UBE2K: variants seen among roughly 807,000 people sequenced by gnomAD.
UBE2K encodes ubiquitin-conjugating enzyme E2 K.
A neutral mutation model predicts 30.0 loss-of-function variants in UBE2K; 6 were observed. The observed-to-expected ratio is 0.20, with a 90% CI of 0.11 to 0.39. The LOEUF (loss-of-function observed/expected upper bound fraction) is 0.39, where lower values mean the gene tolerates loss of function less well. Ranked by LOEUF, UBE2K falls within the 10% of genes least tolerant of loss-of-function variation. The pLI is 1.00. For missense variants in UBE2K, 61 were observed against 241.6 expected (o/e 0.25, Z 4.96); for synonymous variants, 86 against 83.7 (o/e 1.03, Z -0.15).
intron 3 of UBE2K, among the ~76,000 whole-genome samples, chr4:39,753,068 G>A (rs902926914): frequency 2.0e-5 from 3 of 152,202 alleles, no homozygotes; most frequent in Non-Finnish European, 4.4e-5. Context: ...GTATTAAGAT[G>A]TGAAATGTGT....
At chr4:39,763,251 CT>C (rs35240266) in intron 4 of UBE2K, among the ~76,000 whole-genome samples, 23,552 of 145,842 alleles carry the variant, frequency 0.16, 3,443 homozygotes, top group African/African-American at 0.4. Flanking sequence ...CCTTAAAACA[CT>C]TTTTTTTTTT....
chr4:39,762,777 G>A (rs1482160653), intron 4 of UBE2K, among the ~76,000 whole-genome samples: 1 of 152,116 alleles, frequency 6.6e-6, no homozygotes, highest in Non-Finnish European at 1.5e-5. Flanking sequence ...TGGGACTACA[G>A]GTGCGTGCTA....
intron 4 of UBE2K, among the ~76,000 whole-genome samples, chr4:39,769,475 T>C (rs1438082664): frequency 2.1e-5 from 3 of 141,468 alleles, no homozygotes; most frequent in Non-Finnish European, 3.0e-5. Flanking sequence ...GTGCACCCCA[T>C]GTTCTCTTAC....
chr4:39,757,072 C>T (rs1319765683), intron 4 of UBE2K, among the ~76,000 whole-genome samples: 2 of 132,324 alleles, frequency 1.5e-5, no homozygotes, highest in African/African-American at 2.7e-5. Context: ...GTCACCCAGG[C>T]TGGAGTGCAG....
chr4:39,701,901 C>G (rs1718034536), intron 1 of UBE2K, among the ~76,000 whole-genome samples: 1 of 150,986 alleles, frequency 6.6e-6, no homozygotes, highest in Admixed American at 6.6e-5. Flanking sequence ...GCTGGGATTA[C>G]AGGTGCCCGC....
intron 1 of UBE2K, among the ~76,000 whole-genome samples, chr4:39,699,533 TAC>T (rs1431371642): frequency 2.0e-5 from 3 of 152,234 alleles, no homozygotes; most frequent in Admixed American, 6.5e-5. Flanking sequence ...CAAGTATTAG[TAC>T]AGTTTCTCAT....
At chr4:39,743,395 A>G (rs1720809576) in intron 2 of UBE2K, among the ~76,000 whole-genome samples, 1 of 152,174 alleles carries the variant, frequency 6.6e-6, no homozygotes, top group Non-Finnish European at 1.5e-5. Flanking sequence ...CAAGGTCAGG[A>G]GATTGAGACC....
Position 39,713,286 on chromosome 4 carries a change from A to ATTTTTTTTTTTTTTTTTTTTTTTTTTTTT in UBE2K, c.63+14912_63+14913insTTTTTTTTTTTTTTTTTTTTTTTTTTTTT, listed in dbSNP as rs56104487. ...TAGTTTTCTCCTTCTTCTGTAGGAAATTTTTTTTTTTTTTTTGAGACAGTT... is the reference window on the plus strand; with the variant it reads ...TAGTTTTCTCCTTCTTCTGTAGGAAATTTTTTTTTTTTTTTTTTTTTTTTTTTTTTTTTTTTTTTTTTTTTGAGACAGTT... On this transcript the variant is annotated intron_variant, in intron 1 of 6. Transcript: ENST00000261427. Among the ~76,000 whole-genome samples the ATTTTTTTTTTTTTTTTTTTTTTTTTTTTT allele has an allele frequency of 6.0e-5, 5 of 83,582 alleles. 1 individual carries two copies. The highest frequency in any genetic ancestry group is 8.4e-5 in the Non-Finnish European group (4 of 47,476). The allele number at this position is 83,582 out of a possible 152,430, so 54.8% of individuals were successfully genotyped here.
intron 4 of UBE2K, among the ~76,000 whole-genome samples, chr4:39,757,845 A>G (rs1280367302): frequency 6.6e-6 from 1 of 152,142 alleles, no homozygotes; most frequent in Non-Finnish European, 1.5e-5. Context: ...TCACTCCCAG[A>G]TTCCTTAACC....
At chr4:39,725,941 C>A (rs1719731188) in intron 1 of UBE2K, among the ~76,000 whole-genome samples, 1 of 141,946 alleles carries the variant, frequency 7.0e-6, no homozygotes, top group Non-Finnish European at 1.5e-5. Context: ...CCACACTTGG[C>A]CTTTTTTTTT....
rs1337818862 is a variant in UBE2K, at chr4:39,769,615, C to T, written c.300-5219C>T. On this transcript the variant is annotated intron_variant, in intron 4 of 6. Coordinates refer to ENST00000261427, the MANE Select transcript of UBE2K (RefSeq NM_005339.5). ...AATAATCTTTTCCCCTTACCACTCC[C>T]TCACCCCAGGCCTATTATAAGCAGG... 2.8e-5 allele frequency among the ~76,000 whole-genome samples: 4 copies of T among 143,276 alleles called. No individual in the cohort carries two copies. The East Asian group carries it at 7.8e-4, about 28-fold the overall frequency. The allele number at this position is 143,276 out of a possible 152,430, so 94.0% of individuals were successfully genotyped here.
chr4:39,707,319 C>T (rs1006997901), intron 1 of UBE2K, among the ~76,000 whole-genome samples: 11 of 151,894 alleles, frequency 7.2e-5, no homozygotes, highest in African/African-American at 2.7e-4. Context: ...TCAGGCAGTT[C>T]TCCTGCTTGA....
chr4:39,756,681 G>A (rs1274911436), intron 4 of UBE2K, among the ~76,000 whole-genome samples: 2 of 152,092 alleles, frequency 1.3e-5, no homozygotes, highest in African/African-American at 4.8e-5. Context: ...TGTGTAGTCT[G>A]ACAATGATAA....
chr4:39,724,514 A>G (rs1238497706), intron 1 of UBE2K, among the ~76,000 whole-genome samples: 1 of 136,828 alleles, frequency 7.3e-6, no homozygotes, highest in Non-Finnish European at 1.5e-5. Context: ...TGGGAGGCTG[A>G]GGCAGGTGGA....
At chr4:39,711,110 T>TA (rs1560341172) in intron 1 of UBE2K, among the ~76,000 whole-genome samples, 1 of 151,678 alleles carries the variant, frequency 6.6e-6, no homozygotes, top group African/African-American at 2.4e-5. Context: ...AAGTTTTTTT[T>TA]AAAAACAGTT....
intron 4 of UBE2K, among the ~76,000 whole-genome samples, chr4:39,766,432 T>C (rs1403640479): frequency 6.6e-6 from 1 of 152,142 alleles, no homozygotes; most frequent in African/African-American, 2.4e-5. Flanking sequence ...TATATCTTCT[T>C]TGGAGAAACG....
intron 4 of UBE2K, among the ~76,000 whole-genome samples, chr4:39,759,703 T>G (rs540884028): frequency 3.3e-5 from 5 of 152,250 alleles, no homozygotes; most frequent in African/African-American, 1.2e-4. Flanking sequence ...TGGCAACACA[T>G]AAAAATTTCA....
intron 4 of UBE2K, among the ~76,000 whole-genome samples, chr4:39,768,462 A>AG (rs1712499810): frequency 6.6e-6 from 1 of 151,752 alleles, no homozygotes. Context: ...AAAAAAAAAA[A>AG]AAATGTAAAA....
chr4:39,720,519 G>C (rs558434025), intron 1 of UBE2K, among the ~76,000 whole-genome samples: 22 of 152,298 alleles, frequency 1.4e-4, no homozygotes, highest in African/African-American at 5.3e-4. Flanking sequence ...CAGTAAGGCA[G>C]TGAGAAATTG....
Sources: allele counts gnomAD v4.1 joint callset (sites outside exome capture counted in the v4.1 genomes callset), GRCh38; gene constraint gnomAD v4.1.1; transcripts MANE v1.5; gene names NCBI Gene and HGNC (gene_info 2026-07-23, HGNC 2026-07-21).